The following LOXL4 variants were observed in gnomAD, a reference collection of about 807,000 sequenced individuals.
LOXL4 encodes the protein lysyl oxidase homolog 4.
In LOXL4, 72 loss-of-function variants were observed where a neutral mutation model predicts 89.1. The observed-to-expected ratio is 0.81, with a 90% confidence interval of 0.67 to 0.98. The LOEUF is 0.98. Among genes scored for constraint, LOXL4 ranks in the 50% least tolerant of loss-of-function variants. The probability of loss-of-function intolerance (pLI) is 0.00; values close to 1 mark genes in which losing one functional copy is unlikely to be tolerated. For synonymous variants in LOXL4, 355 were observed against 392.1 expected (o/e 0.91, Z 1.12); for missense variants, 984 against 1,017.5 (o/e 0.97, Z 0.45).
Position 98,253,763 on chromosome 10 carries a change from A to C in LOXL4, c.1625T>G (p.Val542Gly). The change falls in exon 11 of 15, where the codon GTG becomes GGG. Residue 542 changes from valine (V) to glycine (G), a missense_variant. Val to Gly is a moderately radical substitution (Grantham distance 109, BLOSUM62 -3). Coordinates refer to ENST00000260702, the MANE Select transcript of LOXL4 (RefSeq NM_032211.7). Reference protein sequence around the residue: ...APDLVMNAQLVQETAYLEDRP... With the variant: ...APDLVMNAQLGQETAYLEDRP... Reference sequence around the variant, plus strand: ...GTCCTCCAAGTAGGCCGTCTCCTGCACTAGCTGGGCGTTCATCACCAGGTC... The same window carrying C: ...GTCCTCCAAGTAGGCCGTCTCCTGCCCTAGCTGGGCGTTCATCACCAGGTC... 1 of 1,614,150 alleles carries C rather than the reference A, an allele frequency of 6.2e-7. No homozygotes were observed. The highest frequency in any genetic ancestry group is 1.1e-5 in the South Asian group (1 of 91,086).
At position 98,257,741 on chromosome 10, in the gene LOXL4, C is replaced by G. The variant is rs371771544; in HGVS notation, c.1169G>C (p.Cys390Ser). ...CRGYERTLSDCPALEGSQNGC... is the reference protein window; with the variant it reads ...CRGYERTLSDSPALEGSQNGC... ...ATTCTGGGACCCTTCCAGGGCAGGG[C>G]AGTCGCTGAGGGTCCGCTCATATCC... The change falls in exon 8 of 15, where the codon TGC becomes TCC. Residue 390 changes from cysteine (C) to serine (S), a missense_variant. Coordinates refer to ENST00000260702, the MANE Select transcript of LOXL4 (RefSeq NM_032211.7). 9 of 1,614,000 alleles carry G rather than the reference C, an allele frequency of 5.6e-6. No individual in the cohort carries two copies. Among genetic ancestry groups the G allele is most frequent in the African/African-American group, 2.7e-5 (2 of 74,936 alleles).
chr10:98,257,682 A>G lies in LOXL4; in HGVS notation c.1228T>C (p.Cys410Arg), dbSNP rs1858416869. Residue 410 changes from cysteine to arginine, a missense_variant, in exon 8 of 15, where the codon TGC becomes CGC. Coordinates refer to ENST00000260702, the MANE Select transcript of LOXL4 (RefSeq NM_032211.7). ...TGAAAGCCCATGTTAGGGACATTGC[A>G]CCTGACAGCAGCATCATTCTCATGT... The part of the protein sequence containing the change: ...CQHENDAAVR[C>R]NVPNMGFQNQ... 6.2e-7 allele frequency: 1 copy of G among 1,614,024 alleles called. No individual in the cohort carries two copies. Among genetic ancestry groups the G allele is most frequent in the Non-Finnish European group, 8.5e-7 (1 of 1,179,966 alleles).
intron 1 of LOXL4, among the ~76,000 whole-genome samples, chr10:98,264,616 T>G (rs1254580933): frequency 1.3e-5 from 2 of 151,838 alleles, no homozygotes; most frequent in African/African-American, 4.8e-5. Context: ...AGAGAGGGGA[T>G]GAGGCTGGGG....
intron 9 of LOXL4, chr10:98,256,446 A>G (rs988592942): frequency 8.7e-6 from 3 of 343,830 alleles, no homozygotes; most frequent in Admixed American, 5.0e-5. Flanking sequence ...AGAGAGCCAC[A>G]CTACAATCCC....
intron 14 of LOXL4, among the ~76,000 whole-genome samples, chr10:98,249,819 T>C (rs544732085): frequency 4.3e-4 from 66 of 152,326 alleles, no homozygotes; most frequent in African/African-American, 9.9e-4. Flanking sequence ...TTCCTCTCAA[T>C]ATCCCTGTTT....
intron 4 of LOXL4, among the ~76,000 whole-genome samples, chr10:98,260,715 T>A (rs1858511400): frequency 1.3e-5 from 2 of 152,100 alleles, no homozygotes; most frequent in Admixed American, 1.3e-4. Flanking sequence ...ACAACACCAC[T>A]GCCAGTCAGT....
rs546902438 is a variant in LOXL4, at chr10:98,253,710, G to A, written c.1678C>T (p.His560Tyr). ...DRPLSQLYCA[H>Y]EENCLSKSAD... ...GACTTGGAGAGGCAGTTCTCCTCGT[G>A]GGCACAATACAGCTGGCTGAGCGGG... The change falls in exon 11 of 15, where the codon CAC becomes TAC. Residue 560 changes from histidine (H) to tyrosine (Y), a missense_variant. His to Tyr is a moderately conservative substitution (Grantham distance 83). Coordinates refer to ENST00000260702, the MANE Select transcript of LOXL4 (RefSeq NM_032211.7). The A allele has an allele frequency of 3.0e-5, 48 of 1,614,216 alleles. No homozygotes were observed. In the South Asian group the frequency reaches 4.3e-4, roughly 14 times the overall value.
chr10:98,253,653 G>A lies in LOXL4; in HGVS notation c.1735C>T (p.Arg579Cys), dbSNP rs559808172. The A allele has an allele frequency of 3.0e-5, 48 of 1,614,198 alleles. No individual in the cohort carries two copies. The South Asian group carries it at 3.7e-4, about 13-fold the overall frequency. The change falls in exon 11 of 15, where the codon CGC (arginine) becomes TGC (cysteine). Residue 579 changes from arginine to cysteine, a missense_variant. Transcript: ENST00000260702. ...ADHMDWPYGY[R>C]RLLRFSTQIY... is the part of the protein sequence containing the mutation. ...TGTGTGGAGAAGCGCAATAGGCGGC[G>A]GTATCCGTAGGGCCAGTCCATGTGA...
At chr10:98,255,095 T>C (rs76851266) in intron 10 of LOXL4, among the ~76,000 whole-genome samples, 2 of 148,418 alleles carry the variant, frequency 1.3e-5, no homozygotes, top group African/African-American at 4.9e-5. Context: ...AAAGTCTTTT[T>C]GGGTAAATCC....
Position 98,264,732 on chromosome 10 carries a change from G to T in LOXL4, c.-32-1681C>A, listed in dbSNP as rs543280385. ...TGGTTAGAGCTGTCAGAGACCTCTG[G>T]AGCCACCGAAGCTGAAGCTCCTCCA... On this transcript the variant is annotated intron_variant, in intron 1 of 14. Transcript: ENST00000260702. Among the ~76,000 whole-genome samples, 91 of 152,246 alleles carry T rather than the reference G, an allele frequency of 6.0e-4. 2 individuals carry two copies. Among genetic ancestry groups the T allele is most frequent in the East Asian group, 2.3e-3 (12 of 5,154 alleles).
intron 3 of LOXL4, 41 bp downstream of exon 3, chr10:98,261,994 C>A (rs757996649): frequency 6.4e-7 from 1 of 1,550,560 alleles, no homozygotes; most frequent in Non-Finnish European, 8.7e-7. Flanking sequence ...GTTCTCTGAC[C>A]CAGCCCTTGG....
In LOXL4 at chr10:98,258,054, A is replaced by G; in HGVS notation, c.1032T>C (p.Ser344=). 1.9e-6 allele frequency: 3 copies of G among 1,613,786 alleles called. No homozygotes were observed. The highest frequency in any genetic ancestry group is 2.5e-6 in the Non-Finnish European group (3 of 1,180,006). The change falls in exon 7 of 15, where the codon TCT becomes TCC. Residue 344 remains serine (S), a synonymous_variant. Transcript: ENST00000260702. ...CCAGCTGACGACACACGACACTGGCAGAGATGAGGTTCCACCTGTGGTCAC... is the reference window on the plus strand; with the variant it reads ...CCAGCTGACGACACACGACACTGGCGGAGATGAGGTTCCACCTGTGGTCAC... ...TVCDHRWNLI[S]ASVVCRQLGF...
intron 13 of LOXL4, 111 bp from the exon 14 acceptor site, chr10:98,251,287 A>T: frequency 1.1e-6 from 1 of 913,416 alleles, no homozygotes; most frequent in South Asian, 1.5e-5. Flanking sequence ...AATTCTTAAC[A>T]ATTACCCAGG....
chr10:98,261,948 G>A lies in LOXL4; in HGVS notation c.456+87C>T, dbSNP rs939698803. ...AGTGCAGACTGCACCCTTTCCCCTC[G>A]CTTATCCTCTAGGCCCGTCTTCTGG... is the stretch of plus-strand genomic sequence containing the variant. On this transcript the variant is annotated intron_variant, in intron 3 of 14. Coordinates refer to ENST00000260702, the MANE Select transcript of LOXL4 (RefSeq NM_032211.7). The A allele has an allele frequency of 2.6e-5, 36 of 1,362,548 alleles. No individual in the cohort carries two copies. In the East Asian group the frequency reaches 2.8e-4, roughly 10 times the overall value. The allele number at this position is 1,362,548 out of a possible 1,614,324, so 84.4% of individuals were successfully genotyped here. A position where few individuals can be genotyped will look rare whatever the true frequency, so the allele number is the denominator to read the frequency against.
At position 98,259,141 on chromosome 10, in the gene LOXL4, C is replaced by T; in HGVS notation, c.789G>A (p.Val263=). 1 of 1,611,644 alleles carries T rather than the reference C, an allele frequency of 6.2e-7. No individual in the cohort carries two copies. Among genetic ancestry groups the T allele is most frequent in the Non-Finnish European group, 8.5e-7 (1 of 1,179,566 alleles). ...GTEPHMANCQ[V]QVAPARGKLR... ...GCTTGCCCCGGGCTGGAGCCACCTG[C>T]ACCTGGCAGTTGGCCATGTGGGGCT... The change falls in exon 6 of 15, where the codon GTG becomes GTA. Residue 263 remains valine (V), a synonymous_variant. Coordinates refer to ENST00000260702, the MANE Select transcript of LOXL4 (RefSeq NM_032211.7).
At position 98,256,896 on chromosome 10, in the gene LOXL4, C is replaced by T. The variant is rs1442026288; in HGVS notation, c.1312G>A (p.Val438Met). ...IPEEGLLEVQ[V>M]EVNGVPRWGS... ...CAGCGTGGGACCCCGTTCACCTCCACCTGCACCTCCAATAGCCCCTCCTCA... is the reference window on the plus strand; with the variant it reads ...CAGCGTGGGACCCCGTTCACCTCCATCTGCACCTCCAATAGCCCCTCCTCA... The change falls in exon 9 of 15, where the codon GTG becomes ATG. Residue 438 changes from valine to methionine, a missense_variant. Val to Met is a conservative substitution (Grantham distance 21). Transcript: ENST00000260702. 2 of 1,614,060 alleles carry T rather than the reference C, an allele frequency of 1.2e-6. No individual in the cohort carries two copies. Among genetic ancestry groups the T allele is most frequent in the African/African-American group, 2.7e-5 (2 of 74,954 alleles).
rs752540757 is a variant in LOXL4 at position 98,259,126 on chromosome 10, G to A, written c.804C>T (p.Ala268=). 17 of 1,610,158 alleles carry A rather than the reference G, an allele frequency of 1.1e-5. No homozygotes were observed. The highest frequency in any genetic ancestry group is 2.0e-4 in the Middle Eastern group (1 of 5,022). ...MANCQVQVAP[A]RGKLRPACPG... is the part of the protein sequence containing the mutation. Reference sequence around the variant, plus strand: ...GGCAGGCTGGCCGCAGCTTGCCCCGGGCTGGAGCCACCTGCACCTGGCAGT... The same window carrying A: ...GGCAGGCTGGCCGCAGCTTGCCCCGAGCTGGAGCCACCTGCACCTGGCAGT... The change falls in exon 6 of 15, where the codon GCC becomes GCT. Residue 268 remains alanine (A), a synonymous_variant. Transcript: ENST00000260702.
chr10:98,252,344 A>G lies in LOXL4; in HGVS notation c.1951+9T>C. 6.3e-7 allele frequency: 1 copy of G among 1,591,852 alleles called. No individual in the cohort carries two copies. The highest frequency in any genetic ancestry group is 8.6e-7 in the Non-Finnish European group (1 of 1,159,870). On this transcript the variant is annotated intron_variant, in intron 12 of 14. Transcript: ENST00000260702. ...AGATGCTGATAGGTGCTGACAGGAA[A>G]CCACATACCTGTGGGGCAGTTTGTG...
chr10:98,251,006 T>G (rs1415026746), intron 14 of LOXL4, 59 bp downstream of exon 14: 24 of 1,233,078 alleles, frequency 1.9e-5, no homozygotes, highest in Non-Finnish European at 2.7e-5. Flanking sequence ...AGGGTACATT[T>G]ACAGTGTTCC....
Sources: gnomAD v4.1 joint callset for allele counts (sites outside exome capture counted in the v4.1 genomes callset) on GRCh38, gnomAD v4.1.1 for gene constraint, MANE v1.5 for transcripts, NCBI Gene and HGNC (gene_info 2026-07-23, HGNC 2026-07-21) for gene names.